Variants in APOH observed in about 807,000 individuals in gnomAD.
The protein encoded by APOH is beta-2-glycoprotein 1.
APOH carries 48 observed loss-of-function variants against 39.8 expected under a neutral mutation model. That is an observed-to-expected ratio of 1.21 (90% confidence interval 0.96 to 1.54). APOH has a LOEUF of 1.54. APOH is among the 40% of genes most tolerant of loss of function. APOH has a pLI of 0.00. For missense variants in APOH, 415 were observed against 421.2 expected, an observed-to-expected ratio of 0.99 and a Z score of 0.13; for synonymous variants, 153 against 151.1, an observed-to-expected ratio of 1.01 and a Z score of -0.09.
rs770506011 is a variant in APOH at position 66,226,114 on chromosome 17, A to G, written c.252T>C (p.Cys84=). 4 of 1,612,308 alleles carry G rather than the reference A, an allele frequency of 2.5e-6. No individual in the cohort carries two copies. The East Asian group carries it at 8.9e-5, about 36-fold the overall frequency. The change falls in exon 3 of 8, where the codon TGT becomes TGC. Residue 84 remains cysteine (C), a synonymous_variant. Coordinates refer to ENST00000205948, the MANE Select transcript of APOH (RefSeq NM_000042.3). ...INTLKCTPRV[C]PFAGILENGA... ...CATTTTCTAAGATTCCAGCAAAAGG[A>G]CATACTCTGGCTGTGATACAAAGAT...
At chr17:66,221,469 A>G (rs1253778311) in intron 4 of APOH, among the ~76,000 whole-genome samples, 1 of 151,250 alleles carries the variant, frequency 6.6e-6, no homozygotes, top group African/African-American at 2.4e-5. Flanking sequence ...AAAACACCAA[A>G]AAAATGAAGG....
At chr17:66,226,500 T>A (rs2073440428) in intron 2 of APOH, among the ~76,000 whole-genome samples, 2 of 151,958 alleles carry the variant, frequency 1.3e-5, no homozygotes, top group Admixed American at 1.3e-4. Flanking sequence ...CTGGGCATGA[T>A]GGTGGGTGCC....
At chr17:66,225,431 A>G (rs2073433633) in intron 3 of APOH, among the ~76,000 whole-genome samples, 1 of 152,200 alleles carries the variant, frequency 6.6e-6, no homozygotes, top group African/African-American at 2.4e-5. Flanking sequence ...ATTCTCTTCT[A>G]GAGACTACCA....
At chr17:66,215,453 C>T (rs2073359217) in intron 6 of APOH, among the ~76,000 whole-genome samples, 1 of 152,170 alleles carries the variant, frequency 6.6e-6, no homozygotes, top group East Asian at 1.9e-4. Context: ...GTTTGAGAAC[C>T]GGTGCCTTAC....
chr17:66,225,360 T>C (rs1217092593), intron 3 of APOH, among the ~76,000 whole-genome samples: 1 of 152,174 alleles, frequency 6.6e-6, no homozygotes, highest in Non-Finnish European at 1.5e-5. Flanking sequence ...AGTGATTGCT[T>C]CCTGGGGATG....
chr17:66,214,120 C>T lies in APOH; in HGVS notation c.982+333G>A, dbSNP rs182956254. ...TGTTGCCCAGGCTGGAGTGCAATGG[C>T]GCGATCTCGGCTCACTGCAACCTCC... On this transcript the variant is annotated intron_variant, in intron 7 of 7. Coordinates refer to ENST00000205948, the MANE Select transcript of APOH (RefSeq NM_000042.3). Among the ~76,000 whole-genome samples, 87 of 152,164 alleles carry T rather than the reference C, an allele frequency of 5.7e-4. 1 individual carries two copies. The highest frequency in any genetic ancestry group is 5.0e-3 in the South Asian group (24 of 4,824).
intron 6 of APOH, among the ~76,000 whole-genome samples, chr17:66,215,131 A>G (rs1415466736): frequency 6.6e-6 from 1 of 152,182 alleles, no homozygotes; most frequent in Admixed American, 6.5e-5. Context: ...CCCCAGGGTC[A>G]GGGAAGGGAG....
intron 5 of APOH, among the ~76,000 whole-genome samples, chr17:66,217,607 A>G (rs1166870861): frequency 1.3e-5 from 2 of 152,222 alleles, no homozygotes; most frequent in Admixed American, 1.3e-4. Context: ...TACAAACTCC[A>G]GAGTCAGACT....
At chr17:66,218,266 C>T (rs1219556283) in intron 5 of APOH, among the ~76,000 whole-genome samples, 1 of 152,098 alleles carries the variant, frequency 6.6e-6, no homozygotes, top group African/African-American at 2.4e-5. Flanking sequence ...CTAAGCATGG[C>T]CAGTGATGGA....
chr17:66,217,024 T>G, intron 5 of APOH, 57 bp from the exon 6 acceptor site: 1 of 1,378,478 alleles, frequency 7.3e-7, no homozygotes, highest in Non-Finnish European at 9.7e-7. Flanking sequence ...CCAATAGTCA[T>G]GAAATAGTTA....
At chr17:66,225,747 GGC>G (rs942877089) in intron 3 of APOH, among the ~76,000 whole-genome samples, 3 of 152,060 alleles carry the variant, frequency 2.0e-5, no homozygotes, top group Non-Finnish European at 4.4e-5. Context: ...CGTGGTGGCG[GGC>G]GCCAGTAGTC....
intron 3 of APOH, among the ~76,000 whole-genome samples, chr17:66,225,325 C>A (rs1042815402): frequency 6.6e-6 from 1 of 152,088 alleles, no homozygotes; most frequent in African/African-American, 2.4e-5. Context: ...TCCCTTTGCT[C>A]CCAGATGAGC....
At position 66,212,167 on chromosome 17, in the gene APOH, CA is replaced by C; in HGVS notation, c.1003del (p.Trp335GlyfsTer8). Reference sequence around the variant, plus strand: ...CTTTACATCGGATGCATCAGTTTTCCAAAAAGCCAGAGAACTGTGTTCTGTT... The same window carrying C: ...CTTTACATCGGATGCATCAGTTTTCCAAAAGCCAGAGAACTGTGTTCTGTT... ...CFKEHSSLAF[W>X]KTDASDVKPC On this transcript the variant is annotated frameshift_variant, in exon 8 of 8. Transcript: ENST00000205948. LOFTEE classifies it high-confidence loss of function. 2.5e-6 allele frequency: 4 copies of C among 1,613,436 alleles called. No homozygotes were observed. The highest frequency in any genetic ancestry group is 3.4e-6 in the Non-Finnish European group (4 of 1,179,580).
intron 5 of APOH, among the ~76,000 whole-genome samples, chr17:66,219,171 A>G (rs748576255): frequency 6.6e-6 from 1 of 152,136 alleles, no homozygotes; most frequent in Non-Finnish European, 1.5e-5. Context: ...GTTGCATGAT[A>G]TCGTTGTTGT....
chr17:66,229,244 C>T (rs1197316634), intron 1 of APOH, 72 bp downstream of exon 1: 5 of 1,282,082 alleles, frequency 3.9e-6, no homozygotes, highest in Non-Finnish European at 4.4e-6. Context: ...GCCTACTTAT[C>T]ATTATTGATC....
intron 4 of APOH, among the ~76,000 whole-genome samples, chr17:66,221,960 C>T (rs967773810): frequency 6.6e-6 from 1 of 152,220 alleles, no homozygotes; most frequent in African/African-American, 2.4e-5. Context: ...TCAGACCCCA[C>T]TGCAGGTGCC....
intron 3 of APOH, among the ~76,000 whole-genome samples, chr17:66,225,233 G>A (rs1445099324): frequency 6.6e-6 from 1 of 152,094 alleles, no homozygotes; most frequent in Non-Finnish European, 1.5e-5. Context: ...ACTTACCCTA[G>A]TGGATAGCCA....
rs201648603 is a variant in APOH, at chr17:66,220,603, T to C, written c.555A>G (p.Thr185=). Residue 185 remains threonine, a synonymous_variant, in exon 5 of 8, where the codon ACA becomes ACG. Transcript: ENST00000205948. ...LPQHAMFGND[T]ITCTTHGNWT... ...AATTTCCATGTGTCGTGCAGGTAATTGTATCATTTCCAAACATCGCATGTT... is the reference window on the plus strand; with the variant it reads ...AATTTCCATGTGTCGTGCAGGTAATCGTATCATTTCCAAACATCGCATGTT... The C allele has an allele frequency of 3.4e-5, 55 of 1,614,192 alleles. 1 individual carries two copies. The African/African-American group carries it at 6.9e-4, about 20-fold the overall frequency.
chr17:66,217,018 T>C, intron 5 of APOH, 51 bp from the exon 6 acceptor site: 1 of 1,414,308 alleles, frequency 7.1e-7, no homozygotes, highest in Non-Finnish European at 9.5e-7. Flanking sequence ...TGCTATCCAA[T>C]AGTCATGAAA....
Sources: allele counts gnomAD v4.1 joint callset (sites outside exome capture counted in the v4.1 genomes callset), GRCh38; gene constraint gnomAD v4.1.1; transcripts MANE v1.5; gene names NCBI Gene and HGNC (gene_info 2026-07-23, HGNC 2026-07-21).